The following TMC7 variants were observed in gnomAD, a reference collection of about 807,000 sequenced individuals.
TMC7 encodes the protein transmembrane channel like 7, also known as transmembrane channel-like protein 7.
TMC7 carries 54 observed loss-of-function variants against 82.9 expected under a neutral mutation model. The ratio of observed to expected loss-of-function variants is 0.65; its 90% CI spans 0.52 to 0.82. The LOEUF (loss-of-function observed/expected upper bound fraction) is 0.82, where lower values mean the gene tolerates loss of function less well. TMC7 is among the 40% of genes least tolerant of loss of function. The pLI is 0.00. For missense variants in TMC7, 820 were observed against 901.2 expected (o/e 0.91, Z 1.15); for synonymous variants, 350 against 337.9 (o/e 1.04, Z -0.39).
rs1171217438 is a variant in TMC7 at position 18,990,837 on chromosome 16, G to C, written c.67+6707G>C. 3.3e-5 allele frequency among the ~76,000 whole-genome samples: 5 copies of C among 152,052 alleles called. No homozygotes were observed. In the South Asian group the frequency reaches 8.3e-4, roughly 25 times the overall value. ...ACAAAGTACATTGATCAGTTAGGGT[G>C]GGGTAGAAACAGATCACAATGGTGG... On this transcript the variant is annotated intron_variant, in intron 1 of 15. Coordinates refer to ENST00000304381, the MANE Select transcript of TMC7 (RefSeq NM_024847.4).
intron 1 of TMC7, among the ~76,000 whole-genome samples, chr16:18,988,156 C>CTTTTTTT (rs760359195): frequency 1.6e-5 from 2 of 128,978 alleles, no homozygotes; most frequent in African/African-American, 5.8e-5. Context: ...TTCTCTCTTT[C>CTTTTTTT]TTTTTTTTTT....
At chr16:18,996,323 G>A (rs1007174195) in intron 1 of TMC7, among the ~76,000 whole-genome samples, 1 of 152,168 alleles carries the variant, frequency 6.6e-6, no homozygotes, top group Non-Finnish European at 1.5e-5. Flanking sequence ...GGGACAAGTC[G>A]CATTGGGAGC....
At chr16:18,989,066 A>G (rs2038902956) in intron 1 of TMC7, among the ~76,000 whole-genome samples, 1 of 152,262 alleles carries the variant, frequency 6.6e-6, no homozygotes, top group African/African-American at 2.4e-5. Context: ...AAAAAAAAAA[A>G]AAGGAATTTA....
At chr16:18,988,111 G>A (rs950167040) in intron 1 of TMC7, among the ~76,000 whole-genome samples, 1 of 151,442 alleles carries the variant, frequency 6.6e-6, no homozygotes, top group Non-Finnish European at 1.5e-5. Context: ...TGGGACTACA[G>A]GTGCATGCAG....
At chr16:19,017,848 T>G (rs1055495557) in intron 3 of TMC7, among the ~76,000 whole-genome samples, 2 of 152,248 alleles carry the variant, frequency 1.3e-5, no homozygotes, top group Non-Finnish European at 2.9e-5. Flanking sequence ...TTTTTTGTAT[T>G]TTTAGTAGAG....
At chr16:19,005,573 G>A (rs768155867) in intron 1 of TMC7, among the ~76,000 whole-genome samples, 1 of 152,186 alleles carries the variant, frequency 6.6e-6, no homozygotes, top group African/African-American at 2.4e-5. Flanking sequence ...CTCTCCTGGG[G>A]TGGCTTGGCT....
chr16:19,016,926 C>T (rs1212243362), intron 3 of TMC7, among the ~76,000 whole-genome samples: 2 of 152,176 alleles, frequency 1.3e-5, no homozygotes, highest in Non-Finnish European at 2.9e-5. Flanking sequence ...TGGCTCACTC[C>T]TGTAATCCCA....
At chr16:19,040,726 A>G (rs1289788286) in intron 9 of TMC7, among the ~76,000 whole-genome samples, 1 of 152,180 alleles carries the variant, frequency 6.6e-6, no homozygotes, top group Non-Finnish European at 1.5e-5. Flanking sequence ...TAAAGCTGTC[A>G]GAAATGACAG....
chr16:18,989,832 A>AT (rs1230013029), intron 1 of TMC7, among the ~76,000 whole-genome samples: 6 of 150,944 alleles, frequency 4.0e-5, no homozygotes, highest in East Asian at 2.0e-4. Flanking sequence ...CCTTTTTTTT[A>AT]TTTTTTTTGA....
intron 2 of TMC7, among the ~76,000 whole-genome samples, chr16:19,014,737 G>A (rs1327543384): frequency 6.6e-6 from 1 of 152,084 alleles, no homozygotes; most frequent in African/African-American, 2.4e-5. Flanking sequence ...GTCGTTGTTG[G>A]ACGTCAGCCT....
chr16:19,060,485 A>T (rs764299274), intron 15 of TMC7, among the ~76,000 whole-genome samples: 27 of 152,154 alleles, frequency 1.8e-4, no homozygotes, highest in Non-Finnish European at 3.2e-4. Context: ...GATTACAGGC[A>T]TGAGCCACTA....
chr16:19,022,638 G>T (rs1357339591), intron 4 of TMC7, among the ~76,000 whole-genome samples: 1 of 152,184 alleles, frequency 6.6e-6, no homozygotes, highest in East Asian at 1.9e-4. Context: ...CGTGATGTTC[G>T]CATGACGAAA....
intron 1 of TMC7, among the ~76,000 whole-genome samples, chr16:18,999,856 C>T (rs111690744): frequency 1.9e-4 from 29 of 152,196 alleles, no homozygotes; most frequent in Admixed American, 7.2e-4. Context: ...CTCTGCCTCC[C>T]GAGTTCACGC....
intron 10 of TMC7, 28 bp from the exon 11 acceptor site, chr16:19,045,313 C>G: frequency 6.3e-7 from 1 of 1,581,286 alleles, no homozygotes; most frequent in African/African-American, 1.3e-5. Flanking sequence ...TAGGGTCTTT[C>G]AGTTTCCCTC....
rs61297988 is a variant in TMC7, at chr16:19,040,499, ACT to A, written c.1337+58_1337+59del. 2,855 of 1,524,182 alleles carry A rather than the reference ACT, an allele frequency of 1.9e-3. 45 individuals carry two copies. The African/African-American group carries it at 0.032, about 17-fold the overall frequency. 94.4% of individuals were successfully genotyped at this position (1,524,182 alleles called of 1,614,324 possible). ...ATGTCAAGCCAGTCACTACCTGCCC[ACT>A]CTCTTGCCCATGGCAGACATCGCTA... On this transcript the variant is annotated intron_variant, in intron 9 of 15. Coordinates refer to ENST00000304381, the MANE Select transcript of TMC7 (RefSeq NM_024847.4).
chr16:19,061,823 C>T lies in TMC7; in HGVS notation c.2152C>T (p.Gln718Ter). 1 of 1,613,744 alleles carries T rather than the reference C, an allele frequency of 6.2e-7. No individual in the cohort carries two copies. Among genetic ancestry groups the T allele is most frequent in the Non-Finnish European group, 8.5e-7 (1 of 1,179,818 alleles). Reference protein sequence around the residue: ...CYLIQKLTEAQRDMRN With the variant: ...CYLIQKLTEA ...CCTAATCCAGAAACTAACAGAAGCC[C>T]AAAGGGACATGAGGAACTAACTAGA... is the stretch of plus-strand genomic sequence containing the variant. The change falls in exon 16 of 16, where the codon CAA (glutamine) becomes TAA (stop). Residue 718 changes from glutamine (Q) to a stop codon, truncating the protein, a stop_gained. Coordinates refer to ENST00000304381, the MANE Select transcript of TMC7 (RefSeq NM_024847.4). LOFTEE classifies it high-confidence loss of function.
Position 19,041,512 on chromosome 16 carries a change from C to T in TMC7, c.1337+1066C>T, listed in dbSNP as rs554508801. On this transcript the variant is annotated intron_variant, in intron 9 of 15. Coordinates refer to ENST00000304381, the MANE Select transcript of TMC7 (RefSeq NM_024847.4). ...TCTCAAATAGCTGGGACTACAGGCA[C>T]GGGCCACCATGCCTGGCTAATTTTT... Among the ~76,000 whole-genome samples, 367 of 151,170 alleles carry T rather than the reference C, an allele frequency of 2.4e-3. 2 individuals are homozygous for T. Among genetic ancestry groups the T allele is most frequent in the African/African-American group, 8.4e-3 (344 of 41,168 alleles).
At chr16:18,995,114 G>A (rs1324489782) in intron 1 of TMC7, among the ~76,000 whole-genome samples, 1 of 152,126 alleles carries the variant, frequency 6.6e-6, no homozygotes, top group Non-Finnish European at 1.5e-5. Context: ...ATCCTAATAA[G>A]AGCTGGGCAG....
At chr16:19,059,867 C>G (rs1347621109) in intron 15 of TMC7, 2 of 517,206 alleles carry the variant, frequency 3.9e-6, no homozygotes, top group East Asian at 3.7e-5. Context: ...ATCCCAGCTA[C>G]TTGGGAGGCT....
Sources: allele counts gnomAD v4.1 joint callset (sites outside exome capture counted in the v4.1 genomes callset), GRCh38; gene constraint gnomAD v4.1.1; transcripts MANE v1.5; gene names NCBI Gene and HGNC (gene_info 2026-07-23, HGNC 2026-07-21).